The following FKTN variants were observed in gnomAD, a reference collection of about 807,000 sequenced individuals.
The protein encoded by FKTN is fukutin, also known as ribitol-5-phosphate transferase FKTN.
Under a neutral mutation model 58.6 loss-of-function variants are expected in FKTN, and 47 were observed. The ratio of observed to expected loss-of-function variants is 0.80; its 90% confidence interval spans 0.63 to 1.02. The LOEUF (loss-of-function observed/expected upper bound fraction) is 1.02. Among genes scored for constraint, FKTN ranks in the 50% least tolerant of loss-of-function variants. FKTN has a pLI of 0.00. For synonymous variants in FKTN, 178 were observed against 191.9 expected (o/e 0.93, Z 0.60); for missense variants, 516 against 537.3 (o/e 0.96, Z 0.39).
chr9:105,612,322 C>G (rs1371700158), intron 7 of FKTN, among the ~76,000 whole-genome samples: 1 of 152,118 alleles, frequency 6.6e-6, no homozygotes, highest in Non-Finnish European at 1.5e-5. Context: ...CAAAAATGCT[C>G]TCCCATTCCA....
chr9:105,598,220 T>TA (rs370719919), intron 4 of FKTN: 17 of 400,038 alleles, frequency 4.2e-5, no homozygotes, highest in East Asian at 7.9e-5. Flanking sequence ...TTGAGGGGAC[T>TA]AAAAAAAATT....
intron 6 of FKTN, among the ~76,000 whole-genome samples, chr9:105,606,420 AC>A (rs1438845473): frequency 6.6e-6 from 1 of 151,974 alleles, no homozygotes; most frequent in Non-Finnish European, 1.5e-5. Context: ...ATTAACAATT[AC>A]AGGATTAAAA....
At chr9:105,586,161 C>G (rs564784301) in intron 3 of FKTN, among the ~76,000 whole-genome samples, 1 of 152,292 alleles carries the variant, frequency 6.6e-6, no homozygotes, top group East Asian at 1.9e-4. Context: ...ACAAGCCTAG[C>G]TTTTCTATGA....
intron 10 of FKTN, among the ~76,000 whole-genome samples, chr9:105,630,193 A>G (rs912664283): frequency 6.6e-6 from 1 of 152,164 alleles, no homozygotes; most frequent in Non-Finnish European, 1.5e-5. Flanking sequence ...TAGAACTTCA[A>G]GTATAATTAA....
At chr9:105,597,635 C>T (rs1210406552) in intron 4 of FKTN, among the ~76,000 whole-genome samples, 1 of 152,056 alleles carries the variant, frequency 6.6e-6, no homozygotes, top group Non-Finnish European at 1.5e-5. Context: ...TCTCTACCTC[C>T]ATCCCACCCT....
In FKTN at chr9:105,592,405, G is replaced by T. The variant is rs114450556; in HGVS notation, c.106-4193G>T. On this transcript the variant is annotated intron_variant, in intron 3 of 10. Transcript: ENST00000357998. ...TATAATCTCAGCACTTTGGTAGGCCGAGTTGGGTGGATCACAAGGTCAGGA... is the reference window on the plus strand; with the variant it reads ...TATAATCTCAGCACTTTGGTAGGCCTAGTTGGGTGGATCACAAGGTCAGGA... 6.2e-3 allele frequency among the ~76,000 whole-genome samples: 938 copies of T among 152,222 alleles called. 13 individuals carry two copies. The highest frequency in any genetic ancestry group is 0.021 in the African/African-American group (886 of 41,524).
At position 105,636,805 on chromosome 9, in the gene FKTN, T is replaced by C; in HGVS notation, c.*1541T>C. The C allele has an allele frequency of 6.5e-6, 8 of 1,226,286 alleles. No homozygotes were observed. The highest frequency in any genetic ancestry group is 8.5e-6 in the Non-Finnish European group (8 of 940,736). The allele number at this position is 1,226,286 out of a possible 1,614,324, so 76.0% of individuals were successfully genotyped here. A position where few individuals can be genotyped will look rare whatever the true frequency, so the allele number is the denominator to read the frequency against. ...AACCTGAATGTCTGAGGGAATGGGC[T>C]GGTAGACTTTTTCGAAAACAAATTA... On this transcript the variant is annotated 3_prime_UTR_variant, in exon 11 of 11. Coordinates refer to ENST00000357998, the MANE Select transcript of FKTN (RefSeq NM_001079802.2).
chr9:105,598,334 A>G (rs1196696042), intron 4 of FKTN, among the ~76,000 whole-genome samples: 3 of 152,098 alleles, frequency 2.0e-5, no homozygotes, highest in Non-Finnish European at 4.4e-5. Flanking sequence ...AATCTCATCA[A>G]TAGTGTGATA....
In FKTN at chr9:105,637,140, A is replaced by G. The variant is rs991953881; in HGVS notation, c.*1876A>G. 5 of 985,684 alleles carry G rather than the reference A, an allele frequency of 5.1e-6. No homozygotes were observed. In the African/African-American group the frequency reaches 5.2e-5, roughly 10 times the overall value. 61.1% of individuals were successfully genotyped at this position (985,684 alleles called of 1,614,324 possible). The stretch of plus-strand genomic sequence containing the variant: ...AAATAATAGAACAAATAATAATACT[A>G]TTTTTGGGCAAAATCCACCCTACTT... On this transcript the variant is annotated 3_prime_UTR_variant, in exon 11 of 11. Coordinates refer to ENST00000357998, the MANE Select transcript of FKTN (RefSeq NM_001079802.2).
chr9:105,613,798 C>G (rs1830347495), intron 7 of FKTN, among the ~76,000 whole-genome samples: 1 of 152,310 alleles, frequency 6.6e-6, no homozygotes, highest in East Asian at 1.9e-4. Flanking sequence ...CTTTGTATAT[C>G]TAGAACCAAA....
chr9:105,572,694 T>C (rs1840955658), intron 1 of FKTN, among the ~76,000 whole-genome samples: 1 of 152,200 alleles, frequency 6.6e-6, no homozygotes, highest in Non-Finnish European at 1.5e-5. Flanking sequence ...ACTCTCTTGC[T>C]GAGGCAAAGT....
intron 1 of FKTN, among the ~76,000 whole-genome samples, chr9:105,560,543 A>G (rs1042742995): frequency 1.3e-5 from 2 of 152,244 alleles, no homozygotes; most frequent in Admixed American, 6.5e-5. Context: ...ACAATATAGA[A>G]AAGTGTAAAG....
chr9:105,634,412 G>A (rs1457640205), intron 10 of FKTN, among the ~76,000 whole-genome samples: 2 of 152,186 alleles, frequency 1.3e-5, no homozygotes, highest in Non-Finnish European at 1.5e-5. Context: ...GGGATTACAG[G>A]CGGGAGCCAC....
chr9:105,637,700 G>A lies in FKTN; in HGVS notation c.*2436G>A. Reference sequence around the variant, plus strand: ...TTTACCTGGCTTACCTGGGGAAGTTGACAACTTGTTGGTAGTTAGGCACCC... The same window carrying A: ...TTTACCTGGCTTACCTGGGGAAGTTAACAACTTGTTGGTAGTTAGGCACCC... On this transcript the variant is annotated 3_prime_UTR_variant, in exon 11 of 11. Coordinates refer to ENST00000357998, the MANE Select transcript of FKTN (RefSeq NM_001079802.2). The A allele has an allele frequency of 1.0e-6, 1 of 985,384 alleles. No homozygotes were observed. Among genetic ancestry groups the A allele is most frequent in the South Asian group, 4.7e-5 (1 of 21,284 alleles). The allele number at this position is 985,384 out of a possible 1,614,324, so 61.0% of individuals were successfully genotyped here. A position where few individuals can be genotyped will look rare whatever the true frequency, so the allele number is the denominator to read the frequency against.
chr9:105,568,695 A>G (rs938507256), intron 1 of FKTN, among the ~76,000 whole-genome samples: 3 of 152,204 alleles, frequency 2.0e-5, no homozygotes, highest in Admixed American at 1.3e-4. Flanking sequence ...TTGGTGGGAC[A>G]GTAAACTGGT....
At chr9:105,597,598 G>A (rs539642023) in intron 4 of FKTN, among the ~76,000 whole-genome samples, 1 of 152,082 alleles carries the variant, frequency 6.6e-6, no homozygotes, top group South Asian at 2.1e-4. Context: ...TTAAAAAGAG[G>A]TATTTTGTAT....
At chr9:105,635,003 C>T in intron 10 of FKTN, 48 bp from the exon 11 acceptor site, 1 of 1,500,156 alleles carries the variant, frequency 6.7e-7, no homozygotes, top group Non-Finnish European at 9.3e-7. Context: ...GATTCCTTAG[C>T]TAGACCTTCT....
intron 3 of FKTN, among the ~76,000 whole-genome samples, chr9:105,579,059 C>T (rs1842347085): frequency 6.6e-6 from 1 of 151,614 alleles, no homozygotes; most frequent in Non-Finnish European, 1.5e-5. Flanking sequence ...TCTCTCTTTT[C>T]TTCTTTATTA....
chr9:105,602,248 A>G (rs1828006489), intron 5 of FKTN, among the ~76,000 whole-genome samples: 1 of 152,268 alleles, frequency 6.6e-6, no homozygotes, highest in Non-Finnish European at 1.5e-5. Context: ...GAAATTACAT[A>G]GTACACAGGA....
Sources: allele counts gnomAD v4.1 joint callset (sites outside exome capture counted in the v4.1 genomes callset), GRCh38; gene constraint gnomAD v4.1.1; transcripts MANE v1.5; gene names NCBI Gene and HGNC (gene_info 2026-07-23, HGNC 2026-07-21).